The following PTPRD variants were observed in gnomAD, a reference collection of about 807,000 sequenced individuals.
The protein encoded by PTPRD is receptor-type tyrosine-protein phosphatase delta.
A neutral mutation model predicts 214.5 loss-of-function variants in PTPRD; 34 were observed. The ratio of observed to expected loss-of-function variants is 0.16; its 90% CI spans 0.12 to 0.21. PTPRD has a LOEUF of 0.21. Among genes scored for constraint, PTPRD ranks in the 10% least tolerant of loss-of-function variants. The pLI is 1.00. For synonymous variants in PTPRD, 1,128 were observed against 845.7 expected (o/e 1.33, Z -5.79); for missense variants, 2,545 against 2,398.7 (o/e 1.06, Z -1.27).
At chr9:10,066,313 A>T (rs1168553997) in intron 3 of PTPRD, among the ~76,000 whole-genome samples, 1 of 151,884 alleles carries the variant, frequency 6.6e-6, no homozygotes, top group African/African-American at 2.4e-5. Context: ...TGCATTAAAA[A>T]AAGCAGTGGC....
intron 11 of PTPRD, among the ~76,000 whole-genome samples, chr9:8,926,339 C>T (rs1433533179): frequency 6.6e-6 from 1 of 152,000 alleles, no homozygotes; most frequent in East Asian, 1.9e-4. Flanking sequence ...ATGCTTACCT[C>T]AATAAAAATG....
intron 11 of PTPRD, among the ~76,000 whole-genome samples, chr9:8,810,194 G>C (rs1352948251): frequency 1.3e-5 from 2 of 152,150 alleles, no homozygotes; most frequent in East Asian, 3.9e-4. Context: ...TCTATTGAAT[G>C]ACTACATCTT....
intron 5 of PTPRD, among the ~76,000 whole-genome samples, chr9:9,835,711 T>C (rs945958908): frequency 1.3e-4 from 20 of 152,232 alleles, no homozygotes; most frequent in African/African-American, 4.8e-4. Flanking sequence ...TTTCCTGATC[T>C]ACTTCATTCT....
chr9:8,932,653 G>T (rs1224075546), intron 11 of PTPRD, among the ~76,000 whole-genome samples: 1 of 152,168 alleles, frequency 6.6e-6, no homozygotes, highest in African/African-American at 2.4e-5. Context: ...GAACTTCCCA[G>T]CGGCTTTGTT....
At chr9:8,507,225 T>G in intron 22 of PTPRD, 76 bp downstream of exon 22, 8 of 1,512,478 alleles carry the variant, frequency 5.3e-6, no homozygotes, top group Non-Finnish European at 7.1e-6. Context: ...ACCAAGAATG[T>G]GGATAAATAC....
chr9:10,129,011 G>T (rs1254180689), intron 3 of PTPRD, among the ~76,000 whole-genome samples: 1 of 152,074 alleles, frequency 6.6e-6, no homozygotes. Context: ...AATACACAAA[G>T]ATTAGTTTTA....
At chr9:10,253,317 A>G (rs1353009298) in intron 3 of PTPRD, among the ~76,000 whole-genome samples, 1 of 152,168 alleles carries the variant, frequency 6.6e-6, no homozygotes, top group Non-Finnish European at 1.5e-5. Flanking sequence ...GAGTATTTCC[A>G]TCAGTAATTG....
chr9:9,627,036 G>A (rs1593419615), intron 7 of PTPRD, among the ~76,000 whole-genome samples: 1 of 152,152 alleles, frequency 6.6e-6, no homozygotes, highest in East Asian at 1.9e-4. Context: ...TTTGCAGGCT[G>A]GGTGTGGTGG....
At chr9:8,741,763 G>T (rs2091994875) in intron 11 of PTPRD, among the ~76,000 whole-genome samples, 1 of 151,526 alleles carries the variant, frequency 6.6e-6, no homozygotes. Flanking sequence ...GCTAATTGTT[G>T]TATTTTTAGT....
At chr9:8,533,214 T>G (rs1239799246) in intron 14 of PTPRD, among the ~76,000 whole-genome samples, 1 of 152,044 alleles carries the variant, frequency 6.6e-6, no homozygotes, top group Non-Finnish European at 1.5e-5. Context: ...AATTGCCTGC[T>G]AAGGCTACAG....
chr9:8,797,070 A>G (rs73640952), intron 11 of PTPRD: 2 of 152,108 alleles, frequency 1.3e-5, no homozygotes, highest in Non-Finnish European at 2.9e-5. Flanking sequence ...CCATAACATG[A>G]TACGCCTTAC....
chr9:10,348,898 A>T (rs1419479985), intron 2 of PTPRD, among the ~76,000 whole-genome samples: 1 of 151,912 alleles, frequency 6.6e-6, no homozygotes, highest in African/African-American at 2.4e-5. Context: ...CCACAAGTAA[A>T]CTCCTTGTGT....
intron 3 of PTPRD, among the ~76,000 whole-genome samples, chr9:10,316,028 C>T (rs1415637611): frequency 2.0e-5 from 3 of 151,012 alleles, no homozygotes; most frequent in East Asian, 3.9e-4. Context: ...ACAAAGTGAG[C>T]TGAACATAGT....
intron 30 of PTPRD, among the ~76,000 whole-genome samples, chr9:8,479,486 C>T (rs1434640416): frequency 1.3e-5 from 2 of 152,022 alleles, no homozygotes; most frequent in African/African-American, 2.4e-5. Context: ...ATACCTTTTC[C>T]CTGACTCCCT....
intron 5 of PTPRD, among the ~76,000 whole-genome samples, chr9:9,805,427 G>A (rs1421029458): frequency 5.3e-5 from 8 of 152,092 alleles, no homozygotes; most frequent in Non-Finnish European, 1.2e-4. Flanking sequence ...AACGCAAGGT[G>A]ATTTGACTTC....
intron 7 of PTPRD, among the ~76,000 whole-genome samples, chr9:9,585,023 A>G (rs2091681118): frequency 6.6e-6 from 1 of 152,210 alleles, no homozygotes; most frequent in East Asian, 1.9e-4. Context: ...TACAGCACAC[A>G]GAAGTTAACC....
At chr9:8,323,401 T>C (rs891387251) in intron 44 of PTPRD, among the ~76,000 whole-genome samples, 1 of 152,230 alleles carries the variant, frequency 6.6e-6, no homozygotes, top group Admixed American at 6.5e-5. Flanking sequence ...AGATAGTGAT[T>C]TCTCTGATAG....
At chr9:10,353,821 TG>T (rs2097221924) in intron 2 of PTPRD, among the ~76,000 whole-genome samples, 2 of 152,122 alleles carry the variant, frequency 1.3e-5, no homozygotes, top group African/African-American at 4.8e-5. Flanking sequence ...AAATATGGCT[TG>T]GTAAAATTTT....
chr9:9,390,739 T>A (rs2065527470), intron 9 of PTPRD, among the ~76,000 whole-genome samples: 1 of 152,178 alleles, frequency 6.6e-6, no homozygotes, highest in African/African-American at 2.4e-5. Flanking sequence ...AGGCACAGTC[T>A]TATCAAGTTC....
Sources: allele counts gnomAD v4.1 joint callset (sites outside exome capture counted in the v4.1 genomes callset), GRCh38; gene constraint gnomAD v4.1.1; transcripts MANE v1.5; gene names NCBI Gene and HGNC (gene_info 2026-07-23, HGNC 2026-07-21).